GMCL1: variants seen among roughly 807,000 people sequenced by gnomAD.
The protein encoded by GMCL1 is germ cell-less 1, spermatogenesis associated.
A neutral mutation model predicts 75.5 loss-of-function variants in GMCL1; 54 were observed. The ratio of observed to expected loss-of-function variants is 0.71; its 90% CI spans 0.57 to 0.90. The LOEUF is 0.90. GMCL1 is among the 40% of genes least tolerant of loss of function. GMCL1 has a pLI of 0.00. For synonymous variants in GMCL1, 210 were observed against 209.6 expected, an observed-to-expected ratio of 1.00 and a Z score of -0.02; for missense variants, 537 against 622.7, an observed-to-expected ratio of 0.86 and a Z score of 1.47.
chr2:69,859,998 T>G (rs1053980187), intron 9 of GMCL1, among the ~76,000 whole-genome samples: 4 of 152,044 alleles, frequency 2.6e-5, no homozygotes, highest in African/African-American at 7.3e-5. Flanking sequence ...CCAATTCTAT[T>G]TGTATTTATT....
intron 9 of GMCL1, among the ~76,000 whole-genome samples, chr2:69,858,885 CGCCTGTAATCCCA>C (rs762949303): frequency 3.7e-4 from 56 of 152,018 alleles, no homozygotes; most frequent in Non-Finnish European, 6.3e-4. Context: ...TGGTGGCTCA[CGCCTGTAATCCCA>C]GCACTTTGGA....
chr2:69,847,564 C>T lies in GMCL1; in HGVS notation c.780C>T (p.Leu260=), dbSNP rs1675189891. ...KELSINVMKQ[L]IGSSNLFVMQ... ...TCAGTATAAATGTCATGAAACAGCTCATTGGTTCATCTAACTTATTTGTGA... is the reference window on the plus strand; with the variant it reads ...TCAGTATAAATGTCATGAAACAGCTTATTGGTTCATCTAACTTATTTGTGA... The change falls in exon 7 of 14, where the codon CTC becomes CTT. Residue 260 remains leucine, a synonymous_variant. Coordinates refer to ENST00000282570, the MANE Select transcript of GMCL1 (RefSeq NM_178439.5). 2.5e-6 allele frequency: 4 copies of T among 1,608,908 alleles called. No individual in the cohort carries two copies. The African/African-American group carries it at 5.3e-5, about 21-fold the overall frequency.
At chr2:69,847,738 G>C in intron 7 of GMCL1, 111 bp downstream of exon 7, 1 of 566,890 alleles carries the variant, frequency 1.8e-6, no homozygotes. Flanking sequence ...TATAAATGTA[G>C]GAAAAGGAAA....
chr2:69,835,867 A>G (rs1487870706), intron 1 of GMCL1, among the ~76,000 whole-genome samples: 3 of 152,196 alleles, frequency 2.0e-5, no homozygotes, highest in African/African-American at 7.2e-5. Flanking sequence ...TTTGGGAACC[A>G]TGACTTAGGG....
At chr2:69,835,855 G>A (rs1034458270) in intron 1 of GMCL1, among the ~76,000 whole-genome samples, 7 of 152,152 alleles carry the variant, frequency 4.6e-5, no homozygotes, top group African/African-American at 1.4e-4. Flanking sequence ...TTTCACACAC[G>A]GTTTGGGAAC....
chr2:69,878,672 C>T (rs891123298), intron 13 of GMCL1, among the ~76,000 whole-genome samples: 3 of 152,072 alleles, frequency 2.0e-5, no homozygotes, highest in African/African-American at 7.2e-5. Context: ...CTTTGCAAAA[C>T]CCCCTGTGTA....
intron 13 of GMCL1, among the ~76,000 whole-genome samples, chr2:69,875,540 A>G (rs1290344540): frequency 2.0e-5 from 3 of 152,152 alleles, no homozygotes; most frequent in Non-Finnish European, 4.4e-5. Context: ...ATGATTAAAT[A>G]TGTAGAGTAG....
Position 69,839,500 on chromosome 2 carries a change from C to T in GMCL1, c.428C>T (p.Ser143Phe). The change falls in exon 3 of 14, where the codon TCC becomes TTC. Residue 143 changes from serine to phenylalanine, a missense_variant. Physicochemically the swap from Ser to Phe is radical, Grantham distance 155. Around this residue, in one of 3 missense-constraint regions of GMCL1, gnomAD observed 48 missense variants for 85.0 expected, o/e 0.56. Transcript: ENST00000282570. ...SSMFSGSWKE[S>F]SMNIIELEIP... ...ATGTTCAGTGGTTCTTGGAAAGAAT[C>T]CAGCATGAATATTATTGAACTGGAG... is the stretch of plus-strand genomic sequence containing the variant. The T allele has an allele frequency of 6.2e-7, 1 of 1,605,512 alleles. No homozygotes were observed. The highest frequency in any genetic ancestry group is 1.1e-5 in the South Asian group (1 of 90,602).
intron 11 of GMCL1, among the ~76,000 whole-genome samples, chr2:69,865,220 C>A (rs992643175): frequency 6.6e-6 from 1 of 152,150 alleles, no homozygotes; most frequent in East Asian, 1.9e-4. Context: ...AGAAGAGGGT[C>A]CCTTAGCAAT....
At chr2:69,860,108 C>T (rs1471013940) in intron 9 of GMCL1, among the ~76,000 whole-genome samples, 2 of 152,082 alleles carry the variant, frequency 1.3e-5, no homozygotes, top group Non-Finnish European at 2.9e-5. Context: ...CTCAAGAGAT[C>T]TTTCTGCCTC....
chr2:69,852,006 T>C (rs1675331930), intron 8 of GMCL1, among the ~76,000 whole-genome samples: 1 of 152,224 alleles, frequency 6.6e-6, no homozygotes, highest in Admixed American at 6.5e-5. Context: ...TCTTAAATTA[T>C]ACTTTTGTGT....
chr2:69,838,367 G>A (rs1397439341), intron 2 of GMCL1, among the ~76,000 whole-genome samples: 1 of 101,432 alleles, frequency 9.9e-6, no homozygotes, highest in Admixed American at 9.2e-5. Context: ...AAAAAAAATC[G>A]GAGCTTTCAA....
At chr2:69,861,636 C>A (rs149886915) in intron 10 of GMCL1, among the ~76,000 whole-genome samples, 1 of 152,074 alleles carries the variant, frequency 6.6e-6, no homozygotes, top group Middle Eastern at 3.2e-3. Context: ...GATTTTCTTT[C>A]AACATACTGA....
chr2:69,845,626 A>AAGT (rs1413652741), intron 6 of GMCL1, among the ~76,000 whole-genome samples: 1 of 152,212 alleles, frequency 6.6e-6, no homozygotes, highest in Non-Finnish European at 1.5e-5. Flanking sequence ...TTCCTGCAGC[A>AAGT]AGTACTTCCT....
At position 69,871,829 on chromosome 2, in the gene GMCL1, T is replaced by A. The variant is rs747279614; in HGVS notation, c.1449T>A (p.Asp483Glu). Residue 483 changes from aspartate to glutamate, a missense_variant, in exon 13 of 14, where the codon GAT (aspartate) becomes GAA (glutamate). Around this residue, in one of 3 missense-constraint regions of GMCL1, gnomAD observed 345 missense variants for 410.5 expected, o/e 0.84. Coordinates refer to ENST00000282570, the MANE Select transcript of GMCL1 (RefSeq NM_178439.5). ...ATCAAATACTTACACTTGAAAAGGA[T>A]CAGGTATGTTCGATTATCTTCTGGT... is the stretch of plus-strand genomic sequence containing the variant. Reference protein sequence around the residue: ...TGYQILTLEKDQEQVVMNLDS... With the variant: ...TGYQILTLEKEQEQVVMNLDS... 3 of 1,548,558 alleles carry A rather than the reference T, an allele frequency of 1.9e-6. No homozygotes were observed. In the East Asian group the frequency reaches 6.8e-5, roughly 35 times the overall value.
In GMCL1 at chr2:69,880,902, A is replaced by G. The variant is rs1558556752; in HGVS notation, c.*1898A>G. ...TGTACTTATTTTTATATTTGACTAC[A>G]TTAGGTCTTTTTCACGGGAAGCTGT... On this transcript the variant is annotated 3_prime_UTR_variant, in exon 14 of 14. Transcript: ENST00000282570. 1.3e-5 allele frequency: 2 copies of G among 151,112 alleles called. No homozygotes were observed. The highest frequency in any genetic ancestry group is 4.9e-5 in the African/African-American group (2 of 41,144). The allele number at this position is 151,112 out of a possible 1,614,324, so 9.4% of individuals were successfully genotyped here. A position where few individuals can be genotyped will look rare whatever the true frequency, so the allele number is the denominator to read the frequency against.
intron 6 of GMCL1, among the ~76,000 whole-genome samples, chr2:69,846,234 G>A (rs1004023187): frequency 1.3e-5 from 2 of 151,894 alleles, no homozygotes; most frequent in African/African-American, 2.4e-5. Context: ...TTTGAAAATC[G>A]TTAGAAACAC....
rs745326931 is a variant in GMCL1, at chr2:69,837,671, G to A, written c.384+1G>A. On this transcript the variant is annotated splice_donor_variant, in intron 2 of 13. Coordinates refer to ENST00000282570, the MANE Select transcript of GMCL1 (RefSeq NM_178439.5). LOFTEE classifies it high-confidence loss of function. ...CTTACACAAAATATATTTATGTCAA[G>A]TAAGTATTTTTTCTATTTGAGTAAC... 8 of 1,593,620 alleles carry A rather than the reference G, an allele frequency of 5.0e-6. No homozygotes were observed. The highest frequency in any genetic ancestry group is 6.8e-6 in the Non-Finnish European group (8 of 1,174,552).
intron 10 of GMCL1, 132 bp from the exon 11 acceptor site, chr2:69,864,768 T>C (rs1675761179): frequency 3.3e-6 from 2 of 609,062 alleles, no homozygotes; most frequent in Admixed American, 3.1e-5. Flanking sequence ...CAACACTTTC[T>C]TATTTTTATC....
Sources: gnomAD v4.1 joint callset for allele counts (sites outside exome capture counted in the v4.1 genomes callset) on GRCh38, gnomAD v4.1.1 for gene constraint, gnomAD v4.1.1 regional missense constraint, MANE v1.5 for transcripts, NCBI Gene and HGNC (gene_info 2026-07-23, HGNC 2026-07-21) for gene names.